TRIM67: variants seen among roughly 807,000 people sequenced by gnomAD.
TRIM67 encodes tripartite motif containing 67, also known as tripartite motif-containing protein 67.
In TRIM67, 39 loss-of-function variants were observed where a neutral mutation model predicts 71.0. The observed-to-expected ratio is 0.55, with a 90% confidence interval of 0.43 to 0.72. The LOEUF (loss-of-function observed/expected upper bound fraction) is 0.72. TRIM67 is among the 30% of genes least tolerant of loss of function. The pLI, the probability that TRIM67 is intolerant of heterozygous loss-of-function variation, is 0.00. For synonymous variants in TRIM67, 481 were observed against 473.9 expected (o/e 1.01, Z -0.19); for missense variants, 973 against 1,079.2 (o/e 0.90, Z 1.38).
intron 1 of TRIM67, among the ~76,000 whole-genome samples, chr1:231,182,777 G>A (rs940634752): frequency 6.6e-6 from 1 of 152,212 alleles, no homozygotes; most frequent in Non-Finnish European, 1.5e-5. Context: ...TTACTCTGGG[G>A]TTGGCTCCTG....
chr1:231,182,400 A>C (rs765059455), intron 1 of TRIM67, among the ~76,000 whole-genome samples: 1 of 152,128 alleles, frequency 6.6e-6, no homozygotes, highest in Non-Finnish European at 1.5e-5. Flanking sequence ...TGTCCTAAAA[A>C]ACAAATTTAA....
At chr1:231,189,535 CTA>C (rs1239519194) in intron 1 of TRIM67, among the ~76,000 whole-genome samples, 3 of 152,046 alleles carry the variant, frequency 2.0e-5, no homozygotes, top group African/African-American at 7.3e-5. Context: ...CTTCAGGATG[CTA>C]TAACAAAATA....
In TRIM67 at chr1:231,203,854, G is replaced by C; in HGVS notation, c.1535-13G>C. 1 of 1,611,014 alleles carries C rather than the reference G, an allele frequency of 6.2e-7. No homozygotes were observed. Among genetic ancestry groups the C allele is most frequent in the South Asian group, 1.1e-5 (1 of 90,816 alleles). ...GGGCTTCCTGCGCTAACTCATGTGT[G>C]TCCCCCTCGCAGTGCCACCCGTCCC... On this transcript the variant is annotated splice_polypyrimidine_tract_variant and intron_variant, in intron 5 of 9. Coordinates refer to ENST00000366653, the MANE Select transcript of TRIM67 (RefSeq NM_001004342.5).
chr1:231,172,082 A>G (rs1278076606), intron 1 of TRIM67, among the ~76,000 whole-genome samples: 1 of 152,178 alleles, frequency 6.6e-6, no homozygotes. Context: ...GCAAGACCCC[A>G]ACTCTAAAAA....
chr1:231,212,473 A>T (rs1213612492), intron 8 of TRIM67, among the ~76,000 whole-genome samples: 1 of 152,226 alleles, frequency 6.6e-6, no homozygotes, highest in Non-Finnish European at 1.5e-5. Flanking sequence ...TTAAAAGGTC[A>T]ATTGGAGTTT....
In TRIM67 at chr1:231,213,929, C is replaced by T. The variant is rs969053608; in HGVS notation, c.2238C>T (p.His746=). 5.6e-6 allele frequency: 9 copies of T among 1,613,550 alleles called. No homozygotes were observed. Among genetic ancestry groups the T allele is most frequent in the East Asian group, 2.2e-5 (1 of 44,882 alleles). Residue 746 remains histidine, a synonymous_variant, in exon 9 of 10, where the codon CAC becomes CAT. Coordinates refer to ENST00000366653, the MANE Select transcript of TRIM67 (RefSeq NM_001004342.5). ...AGCAGGGCCCCACAGCCTTCAGCCA[C>T]GTGGACGGGGTCTTCATGCCAGCCC... ...GQQQGPTAFS[H]VDGVFMPALS...
intron 1 of TRIM67, among the ~76,000 whole-genome samples, chr1:231,188,571 T>G (rs1408017117): frequency 6.6e-6 from 1 of 152,196 alleles, no homozygotes; most frequent in Non-Finnish European, 1.5e-5. Context: ...ACATCCAAAG[T>G]GCAGTGCAAT....
At chr1:231,200,890 G>A (rs1289619543) in intron 4 of TRIM67, among the ~76,000 whole-genome samples, 1 of 152,188 alleles carries the variant, frequency 6.6e-6, no homozygotes, top group Non-Finnish European at 1.5e-5. Context: ...CAAGTTTGGA[G>A]CAGAAGTTGC....
At chr1:231,168,214 C>A (rs1339870618) in intron 1 of TRIM67, among the ~76,000 whole-genome samples, 2 of 152,172 alleles carry the variant, frequency 1.3e-5, no homozygotes, top group African/African-American at 4.8e-5. Flanking sequence ...AGCAATCCTC[C>A]TACCTTGGCC....
At chr1:231,203,417 G>A (rs916159615) in intron 5 of TRIM67, among the ~76,000 whole-genome samples, 1 of 152,238 alleles carries the variant, frequency 6.6e-6, no homozygotes, top group Admixed American at 6.5e-5. Context: ...ATGAGCTGCA[G>A]GCTGGCTGCC....
chr1:231,203,565 G>A (rs1683610777), intron 5 of TRIM67, among the ~76,000 whole-genome samples: 1 of 152,240 alleles, frequency 6.6e-6, no homozygotes, highest in African/African-American at 2.4e-5. Context: ...AGATGGGAAA[G>A]AGGACATCCT....
chr1:231,163,596 G>A lies in TRIM67; in HGVS notation c.627G>A (p.Gln209=). ...CAGCCGCGGCGGTGGCCATCTGCCA[G>A]CTGTGCGACCGCACCCCGCCAGAGC... ...TSAAAAVAIC[Q]LCDRTPPEPA... The change falls in exon 1 of 10, where the codon CAG becomes CAA. Residue 209 remains glutamine, a synonymous_variant. Coordinates refer to ENST00000366653, the MANE Select transcript of TRIM67 (RefSeq NM_001004342.5). The A allele has an allele frequency of 6.6e-7, 1 of 1,517,148 alleles. No individual in the cohort carries two copies. Among genetic ancestry groups the A allele is most frequent in the East Asian group, 2.6e-5 (1 of 37,960 alleles). 94.0% of individuals were successfully genotyped at this position (1,517,148 alleles called of 1,614,324 possible).
chr1:231,181,167 C>T (rs923053131), intron 1 of TRIM67, among the ~76,000 whole-genome samples: 7 of 152,296 alleles, frequency 4.6e-5, no homozygotes, highest in South Asian at 4.2e-4. Context: ...GGTTTTACCA[C>T]GTTGGCCAGG....
intron 1 of TRIM67, among the ~76,000 whole-genome samples, chr1:231,166,919 G>A (rs897962917): frequency 6.6e-6 from 1 of 152,180 alleles, no homozygotes; most frequent in African/African-American, 2.4e-5. Flanking sequence ...GCTTTTGGTT[G>A]TTTGCTTCTT....
intron 1 of TRIM67, among the ~76,000 whole-genome samples, chr1:231,169,993 C>CTT (rs369558747): frequency 7.3e-6 from 1 of 136,150 alleles, no homozygotes; most frequent in East Asian, 2.1e-4. Context: ...TTCTTTCTCT[C>CTT]TTTTTTTTTT....
chr1:231,218,620 A>T lies in TRIM67; in HGVS notation c.*3180A>T. On this transcript the variant is annotated 3_prime_UTR_variant, in exon 10 of 10. Transcript: ENST00000366653. ...CTCTGTTCTCCTTGGGAAAATAATG[A>T]TTCCAATTAAAGAGGACACCAGTAA... 1 of 985,434 alleles carries T rather than the reference A, an allele frequency of 1.0e-6. No individual in the cohort carries two copies. Among genetic ancestry groups the T allele is most frequent in the Non-Finnish European group, 1.2e-6 (1 of 829,946 alleles). 61.0% of individuals were successfully genotyped at this position (985,434 alleles called of 1,614,324 possible).
intron 5 of TRIM67, 44 bp downstream of exon 5, chr1:231,201,561 A>G (rs1483635925): frequency 6.3e-7 from 1 of 1,592,926 alleles, no homozygotes; most frequent in South Asian, 1.1e-5. Context: ...TTCTTTCAAA[A>G]GAGGCATGCA....
At chr1:231,181,587 A>C (rs1030151976) in intron 1 of TRIM67, among the ~76,000 whole-genome samples, 1 of 152,178 alleles carries the variant, frequency 6.6e-6, no homozygotes, top group African/African-American at 2.4e-5. Flanking sequence ...AAATGTTTCT[A>C]TTCTTTCCTT....
rs747447126 is a variant in TRIM67, at chr1:231,200,214, T to C, written c.1330T>C (p.Cys444Arg). 10 of 1,613,956 alleles carry C rather than the reference T, an allele frequency of 6.2e-6. No individual in the cohort carries two copies. Among genetic ancestry groups the C allele is most frequent in the Non-Finnish European group, 8.5e-6 (10 of 1,179,854 alleles). The change falls in exon 4 of 10, where the codon TGC becomes CGC. Residue 444 changes from cysteine (C) to arginine (R), a missense_variant. By Grantham distance (180) the Cys-to-Arg change is radical. Coordinates refer to ENST00000366653, the MANE Select transcript of TRIM67 (RefSeq NM_001004342.5). ...LRQSTGLMEY[C>R]LEVIKENDPS... The stretch of plus-strand genomic sequence containing the variant: ...TCAGTCCACCGGACTGATGGAGTAC[T>C]GCCTGGAGGTGATCAAGGAGAACGA...
Sources: allele counts gnomAD v4.1 joint callset (sites outside exome capture counted in the v4.1 genomes callset), GRCh38; gene constraint gnomAD v4.1.1; transcripts MANE v1.5; gene names NCBI Gene and HGNC (gene_info 2026-07-23, HGNC 2026-07-21).